The following TBC1D16 variants were observed in gnomAD, a reference collection of about 807,000 sequenced individuals.
TBC1D16 encodes CTD-2529O21.1.
In TBC1D16, 58 loss-of-function variants were observed where a neutral mutation model predicts 74.7. The ratio of observed to expected loss-of-function variants is 0.78; its 90% CI spans 0.63 to 0.97. TBC1D16 has a LOEUF of 0.97. Among genes scored for constraint, TBC1D16 ranks in the 50% least tolerant of loss-of-function variants. TBC1D16 has a pLI of 0.00. For missense variants in TBC1D16, 1,014 were observed against 1,079.5 expected, an observed-to-expected ratio of 0.94 and a Z score of 0.85; for synonymous variants, 493 against 474.7, an observed-to-expected ratio of 1.04 and a Z score of -0.50.
In TBC1D16 at chr17:79,952,662, GA is replaced by G; in HGVS notation, c.935del (p.Phe312SerfsTer94). Reference protein sequence around the residue: ...DLGHMRSLRLFFSDEACTSGQ... With the variant: ...DLGHMRSLRLXFSDEACTSGQ... The stretch of plus-strand genomic sequence containing the variant: ...CGCCCAGAGATGCTTCCTACCTGAA[GA>G]AAAGGCGGAGGGAGCGCATGTGGCC... On this transcript the variant is annotated frameshift_variant, in exon 4 of 12. Coordinates refer to ENST00000310924, the MANE Select transcript of TBC1D16 (RefSeq NM_019020.4). LOFTEE classifies it high-confidence loss of function. The G allele has an allele frequency of 2.5e-6, 4 of 1,593,838 alleles. No homozygotes were observed. The highest frequency in any genetic ancestry group is 1.7e-5 in the Admixed American group (1 of 59,156).
chr17:79,941,211 GCA>G lies in TBC1D16; in HGVS notation c.2056-106_2056-105del, dbSNP rs1248007990. ...ACAGCAACAGCAGCAACAACGGCCT[GCA>G]CCTCGGGGGCTCACCGAGTCCTGGA... On this transcript the variant is annotated intron_variant, in intron 11 of 11. Transcript: ENST00000310924. The surrounding 1 kb of genome is among the most constrained non-coding windows in gnomAD (Gnocchi z 4.3). 2 of 1,156,668 alleles carry G rather than the reference GCA, an allele frequency of 1.7e-6. No individual in the cohort carries two copies. The highest frequency in any genetic ancestry group is 2.4e-6 in the Non-Finnish European group (2 of 827,698). 71.7% of individuals were successfully genotyped at this position (1,156,668 alleles called of 1,614,324 possible). A position where few individuals can be genotyped will look rare whatever the true frequency, so the allele number is the denominator to read the frequency against.
intron 3 of TBC1D16, among the ~76,000 whole-genome samples, chr17:79,968,655 C>T (rs2033942637): frequency 2.0e-5 from 3 of 151,428 alleles, no homozygotes; most frequent in African/African-American, 7.3e-5. Flanking sequence ...AGATTAAGAC[C>T]ATCCTGGCTA....
chr17:79,936,878 G>GCA lies in TBC1D16; in HGVS notation c.*3980_*3981insTG, dbSNP rs1222447073. On this transcript the variant is annotated 3_prime_UTR_variant, in exon 12 of 12. Transcript: ENST00000310924. ...GCTGCACCCCTGCACATATGTGTGTGTGTGTGTGCATGCGTGCGTGTGTGC... is the reference window on the plus strand; with the variant it reads ...GCTGCACCCCTGCACATATGTGTGTGCATGTGTGTGCATGCGTGCGTGTGTGC... 6.7e-5 allele frequency: 10 copies of GCA among 150,226 alleles called. No individual in the cohort carries two copies. Among genetic ancestry groups the GCA allele is most frequent in the Admixed American group, 2.0e-4 (3 of 14,962 alleles). 9.3% of individuals were successfully genotyped at this position (150,226 alleles called of 1,614,324 possible).
At chr17:80,019,020 G>A (rs1457633949) in intron 1 of TBC1D16, among the ~76,000 whole-genome samples, 1 of 150,278 alleles carries the variant, frequency 6.7e-6, no homozygotes, top group East Asian at 1.9e-4. Flanking sequence ...ACTGGACAAG[G>A]CCGCAGCGGG....
chr17:80,015,359 G>A (rs1485420433), intron 1 of TBC1D16, among the ~76,000 whole-genome samples: 4 of 152,098 alleles, frequency 2.6e-5, no homozygotes, highest in Non-Finnish European at 5.9e-5. Flanking sequence ...GCTTGAACCC[G>A]GGAGGTGGAG....
intron 3 of TBC1D16, among the ~76,000 whole-genome samples, chr17:80,005,641 C>G (rs1333448194): frequency 6.6e-6 from 1 of 152,176 alleles, no homozygotes; most frequent in Non-Finnish European, 1.5e-5. Context: ...ATCACCCCAT[C>G]CCCCAAGTCA....
chr17:79,946,802 T>G (rs1249727690), intron 9 of TBC1D16, among the ~76,000 whole-genome samples: 1 of 152,128 alleles, frequency 6.6e-6, no homozygotes, highest in Non-Finnish European at 1.5e-5. Flanking sequence ...TTAGCGACAC[T>G]CAGGGCCAGA....
chr17:79,942,027 G>A (rs1568565586), intron 11 of TBC1D16, 33 bp downstream of exon 11: 11 of 1,553,992 alleles, frequency 7.1e-6, no homozygotes, highest in Non-Finnish European at 9.6e-6. Flanking sequence ...TGGGGGCGGG[G>A]CGGGGTGGGG....
chr17:80,013,281 C>T lies in TBC1D16; in HGVS notation c.181+86G>A, dbSNP rs542209076. ...GGAAGAGGAACCAAATGCACTCTCA[C>T]GTGCTGTGGCCCAGGGCCTTTAGAG... On this transcript the variant is annotated intron_variant, in intron 2 of 11. Coordinates refer to ENST00000310924, the MANE Select transcript of TBC1D16 (RefSeq NM_019020.4). 42 of 1,307,970 alleles carry T rather than the reference C, an allele frequency of 3.2e-5. No individual in the cohort carries two copies. In the East Asian group the frequency reaches 7.3e-4, roughly 23 times the overall value. The allele number at this position is 1,307,970 out of a possible 1,614,324, so 81.0% of individuals were successfully genotyped here. A position where few individuals can be genotyped will look rare whatever the true frequency, so the allele number is the denominator to read the frequency against.
intron 1 of TBC1D16, among the ~76,000 whole-genome samples, chr17:80,015,969 C>T (rs542893661): frequency 6.8e-6 from 1 of 147,602 alleles, no homozygotes; most frequent in African/African-American, 2.5e-5. Context: ...CGAGATCACG[C>T]CACTGCACTC....
chr17:80,005,851 T>A (rs1270926404), intron 3 of TBC1D16, among the ~76,000 whole-genome samples: 2 of 152,202 alleles, frequency 1.3e-5, no homozygotes, highest in South Asian at 2.1e-4. Flanking sequence ...CCTAAGCTCT[T>A]CTGTGAACTA....
At chr17:80,011,636 C>T (rs2035896804) in intron 2 of TBC1D16, among the ~76,000 whole-genome samples, 1 of 152,110 alleles carries the variant, frequency 6.6e-6, no homozygotes, top group South Asian at 2.1e-4. Context: ...ACCATCGTGG[C>T]TAACATGGTG....
At chr17:79,978,834 C>T (rs907879030) in intron 3 of TBC1D16, among the ~76,000 whole-genome samples, 11 of 152,168 alleles carry the variant, frequency 7.2e-5, no homozygotes, top group African/African-American at 1.7e-4. Context: ...GGCAAAGGGA[C>T]GCTGGGTACA....
At position 79,941,912 on chromosome 17, in the gene TBC1D16, G is replaced by A. The variant is rs1379293074; in HGVS notation, c.2055+148C>T. 1.0e-5 allele frequency: 7 copies of A among 697,536 alleles called. No homozygotes were observed. The highest frequency in any genetic ancestry group is 3.7e-5 in the African/African-American group (2 of 54,542). 43.2% of individuals were successfully genotyped at this position (697,536 alleles called of 1,614,324 possible). A position where few individuals can be genotyped will look rare whatever the true frequency, so the allele number is the denominator to read the frequency against. On this transcript the variant is annotated intron_variant, in intron 11 of 11. Transcript: ENST00000310924. The surrounding 1 kb of genome is among the most constrained non-coding windows in gnomAD (Gnocchi z 4.3). ...GGGAGCCCCCAGTGCTATGGGTGGG[G>A]GAGGGCACGTGCTGGGGGGCCATGG...
intron 1 of TBC1D16, among the ~76,000 whole-genome samples, chr17:80,022,087 G>A (rs1434322042): frequency 6.7e-6 from 1 of 149,710 alleles, no homozygotes; most frequent in Non-Finnish European, 1.5e-5. Context: ...TCCTTTCCAA[G>A]CTAAAGATCG....
Position 80,025,088 on chromosome 17 carries a change from C to CACACACCAT in TBC1D16, c.-63+10706_-63+10707insATGGTGTGT, listed in dbSNP as rs1568649791. 1.6e-3 allele frequency among the ~76,000 whole-genome samples: 9 copies of CACACACCAT among 5,714 alleles called. 1 individual carries two copies. Among genetic ancestry groups the CACACACCAT allele is most frequent in the Admixed American group, 4.0e-3 (2 of 500 alleles). The allele number at this position is 5,714 out of a possible 152,430, so 3.7% of individuals were successfully genotyped here. On this transcript the variant is annotated intron_variant, in intron 1 of 11. Coordinates refer to ENST00000310924, the MANE Select transcript of TBC1D16 (RefSeq NM_019020.4). ...TATGACACACACACACATACCATGACACACACACACCATATACACACAAAC... is the reference window on the plus strand; with the variant it reads ...TATGACACACACACACATACCATGACACACACCATACACACACACCATATACACACAAAC...
chr17:79,992,213 G>C (rs1028740694), intron 3 of TBC1D16: 1 of 152,354 alleles, frequency 6.6e-6, no homozygotes, highest in Non-Finnish European at 1.5e-5. Context: ...GGTGCCCCCC[G>C]CTGGGCCCCT....
rs528390215 is a variant in TBC1D16, at chr17:79,935,065, G to C, written c.*5794C>G. ...GAATTTTCCCTAACTCCCACTCCTA[G>C]GAAGGTCAAATTCACCTTGTTTGCC... On this transcript the variant is annotated 3_prime_UTR_variant, in exon 12 of 12. Coordinates refer to ENST00000310924, the MANE Select transcript of TBC1D16 (RefSeq NM_019020.4). 10 of 152,340 alleles carry C rather than the reference G, an allele frequency of 6.6e-5. No individual in the cohort carries two copies. Among genetic ancestry groups the C allele is most frequent in the Admixed American group, 2.0e-4 (3 of 15,310 alleles). 9.4% of individuals were successfully genotyped at this position (152,340 alleles called of 1,614,324 possible).
rs1473038820 is a variant in TBC1D16, at chr17:79,952,819, C to A, written c.780-1G>T. ...GCCGGCGTCGGAGCTGGACGGGGGG[C>A]TGGTGGAACAGGTTATGTGATGATC... On this transcript the variant is annotated splice_acceptor_variant, in intron 3 of 11. Coordinates refer to ENST00000310924, the MANE Select transcript of TBC1D16 (RefSeq NM_019020.4). LOFTEE classifies it high-confidence loss of function. 1 of 1,605,510 alleles carries A rather than the reference C, an allele frequency of 6.2e-7. No homozygotes were observed. Among genetic ancestry groups the A allele is most frequent in the Admixed American group, 1.7e-5 (1 of 59,686 alleles).
Sources: allele counts gnomAD v4.1 joint callset (sites outside exome capture counted in the v4.1 genomes callset), GRCh38; gene constraint gnomAD v4.1.1; non-coding constraint Gnocchi (gnomAD v3.1); transcripts MANE v1.5; gene names NCBI Gene and HGNC (gene_info 2026-07-23, HGNC 2026-07-21).